The following RALGAPA2 variants were observed in gnomAD, a reference collection of about 807,000 sequenced individuals.
RALGAPA2 encodes ral GTPase-activating protein subunit alpha-2.
Under a neutral mutation model 230.4 loss-of-function variants are expected in RALGAPA2, and 139 were observed. The ratio of observed to expected loss-of-function variants is 0.60; its 90% CI spans 0.53 to 0.69. RALGAPA2 has a LOEUF of 0.69. Among genes scored for constraint, RALGAPA2 ranks in the 30% least tolerant of loss-of-function variants. RALGAPA2 has a pLI of 0.00. For missense variants in RALGAPA2, 2,163 were observed against 2,276.0 expected (o/e 0.95, Z 1.01); for synonymous variants, 847 against 837.8 (o/e 1.01, Z -0.19).
chr20:20,576,900 CA>C (rs1479430035), intron 20 of RALGAPA2, among the ~76,000 whole-genome samples: 1 of 151,974 alleles, frequency 6.6e-6, no homozygotes, highest in African/African-American at 2.4e-5. Context: ...TTAGTGTTTT[CA>C]AAGAACAATT....
At chr20:20,598,963 T>C (rs1034019593) in intron 16 of RALGAPA2, 6 of 332,234 alleles carry the variant, frequency 1.8e-5, no homozygotes, top group Non-Finnish European at 3.0e-5. Context: ...GTACAAAGTA[T>C]AGTATTTAAT....
chr20:20,562,039 C>T (rs957903895), intron 23 of RALGAPA2, among the ~76,000 whole-genome samples: 2 of 152,174 alleles, frequency 1.3e-5, no homozygotes, highest in Non-Finnish European at 2.9e-5. Flanking sequence ...TTGACTAGCT[C>T]ACCACAGTAG....
rs779147056 is a variant in RALGAPA2 at position 20,591,218 on chromosome 20, G to A, written c.2300C>T (p.Thr767Ile). The A allele has an allele frequency of 5.0e-6, 8 of 1,613,878 alleles. No homozygotes were observed. Among genetic ancestry groups the A allele is most frequent in the Admixed American group, 1.7e-5 (1 of 60,016 alleles). ...GCACAGCGGCTCGGGGATGTCGGAG[G>A]TGCTGCTGCTCCGAAGGACCTGCTG... The part of the protein sequence containing the change: ...QQQQVLRSSS[T>I]SDIPEPLCSD... Residue 767 changes from threonine to isoleucine, a missense_variant, in exon 17 of 40, where the codon ACC becomes ATC. Thr to Ile is a moderately conservative substitution (Grantham distance 89). Coordinates refer to ENST00000202677, the MANE Select transcript of RALGAPA2 (RefSeq NM_020343.4).
intron 37 of RALGAPA2, among the ~76,000 whole-genome samples, chr20:20,420,134 G>C (rs763451973): frequency 1.3e-5 from 2 of 152,208 alleles, no homozygotes; most frequent in African/African-American, 4.8e-5. Context: ...AGAATGCCAT[G>C]AGCGGGAAGG....
intron 32 of RALGAPA2, among the ~76,000 whole-genome samples, chr20:20,512,260 C>CAT (rs2062734617): frequency 6.6e-6 from 1 of 150,694 alleles, no homozygotes; most frequent in African/African-American, 2.5e-5. Context: ...CACACACACA[C>CAT]ACACACACAA....
chr20:20,644,371 AAAT>A (rs2067141183), intron 4 of RALGAPA2, among the ~76,000 whole-genome samples: 1 of 152,234 alleles, frequency 6.6e-6, no homozygotes, highest in Non-Finnish European at 1.5e-5. Context: ...ACTGGATATC[AAAT>A]AATATTTACT....
intron 3 of RALGAPA2, among the ~76,000 whole-genome samples, chr20:20,660,446 T>C (rs1186484486): frequency 1.3e-5 from 2 of 152,180 alleles, no homozygotes; most frequent in African/African-American, 4.8e-5. Flanking sequence ...TAAACATTCC[T>C]AGTTAACATG....
At chr20:20,540,658 TC>T (rs972574246) in intron 24 of RALGAPA2, among the ~76,000 whole-genome samples, 1 of 152,218 alleles carries the variant, frequency 6.6e-6, no homozygotes, top group African/African-American at 2.4e-5. Flanking sequence ...TTATTTATTT[TC>T]CCATCTTGGC....
intron 4 of RALGAPA2, among the ~76,000 whole-genome samples, chr20:20,645,058 C>A (rs1289046514): frequency 6.6e-6 from 1 of 150,742 alleles, no homozygotes; most frequent in Non-Finnish European, 1.5e-5. Flanking sequence ...GCTTGTTAGT[C>A]CTTCCCCTTG....
chr20:20,708,793 A>G (rs960243066), intron 1 of RALGAPA2, among the ~76,000 whole-genome samples: 26 of 152,156 alleles, frequency 1.7e-4, no homozygotes, highest in African/African-American at 5.1e-4. Flanking sequence ...TACATAACAC[A>G]CCATAAATTT....
At chr20:20,708,584 C>T (rs1038741041) in intron 1 of RALGAPA2, among the ~76,000 whole-genome samples, 3 of 152,134 alleles carry the variant, frequency 2.0e-5, no homozygotes, top group Non-Finnish European at 2.9e-5. Flanking sequence ...TGAGGCCTCC[C>T]GAGGCATGTG....
intron 23 of RALGAPA2, among the ~76,000 whole-genome samples, chr20:20,562,780 T>A (rs537150045): frequency 2.6e-4 from 40 of 152,200 alleles, no homozygotes; most frequent in Non-Finnish European, 1.3e-4. Context: ...ACTTTCCTCA[T>A]TGAGGTACAA....
intron 38 of RALGAPA2, among the ~76,000 whole-genome samples, chr20:20,403,084 C>T (rs1473593246): frequency 2.6e-5 from 4 of 152,068 alleles, no homozygotes; most frequent in Non-Finnish European, 1.5e-5. Flanking sequence ...TTTTAAAGTG[C>T]GCCCCCACCC....
Position 20,712,263 on chromosome 20 carries a change from CACCCATCCCCCT to C in RALGAPA2, c.106+100_106+111del. 2 of 781,956 alleles carry C rather than the reference CACCCATCCCCCT, an allele frequency of 2.6e-6. No individual in the cohort carries two copies. Among genetic ancestry groups the C allele is most frequent in the Non-Finnish European group, 3.8e-6 (2 of 529,670 alleles). 48.4% of individuals were successfully genotyped at this position (781,956 alleles called of 1,614,324 possible). ...GATCCAGGGAAGGGGGTCGGACGCC[CACCCATCCCCCT>C]CCCCAGCCTCCCAGCCACCGACCCC... On this transcript the variant is annotated intron_variant, in intron 1 of 39. Coordinates refer to ENST00000202677, the MANE Select transcript of RALGAPA2 (RefSeq NM_020343.4). This position sits in a 1 kb window ranked among gnomAD's most constrained non-coding sequence, Gnocchi z 5.5.
rs898790221 is a variant in RALGAPA2 at position 20,396,612 on chromosome 20, T to G, written c.*35+83A>C. 3 of 1,332,876 alleles carry G rather than the reference T, an allele frequency of 2.3e-6. No individual in the cohort carries two copies. In the African/African-American group the frequency reaches 4.4e-5, roughly 20 times the overall value. 82.6% of individuals were successfully genotyped at this position (1,332,876 alleles called of 1,614,324 possible). A position where few individuals can be genotyped will look rare whatever the true frequency, so the allele number is the denominator to read the frequency against. On this transcript the variant is annotated intron_variant, in intron 39 of 39. Transcript: ENST00000202677. ...CGAGGAGCACTGATGCAGGGTCCGC[T>G]ACCGAGGGCAGCCGATTAGAAAAGT... is the stretch of plus-strand genomic sequence containing the variant.
At chr20:20,533,433 T>A (rs544562275) in intron 26 of RALGAPA2, among the ~76,000 whole-genome samples, 5 of 152,280 alleles carry the variant, frequency 3.3e-5, no homozygotes, top group African/African-American at 1.2e-4. Flanking sequence ...AATATTTGAT[T>A]CACTATATAG....
At position 20,653,195 on chromosome 20, in the gene RALGAPA2, C is replaced by CAAAAAAAAA. The variant is rs60906434; in HGVS notation, c.328+326_328+334dup. On this transcript the variant is annotated intron_variant, in intron 4 of 39. Coordinates refer to ENST00000202677, the MANE Select transcript of RALGAPA2 (RefSeq NM_020343.4). Reference sequence around the variant, plus strand: ...TAGGCGACAGAGCAAGACTCCATCTCAAAAAAAAAAAAAAAAAAAAAAAAA... The same window carrying CAAAAAAAAA: ...TAGGCGACAGAGCAAGACTCCATCTCAAAAAAAAAAAAAAAAAAAAAAAAAAAAAAAAAA... 9.8e-4 allele frequency among the ~76,000 whole-genome samples: 27 copies of CAAAAAAAAA among 27,522 alleles called. 1 individual carries two copies. The highest frequency in any genetic ancestry group is 5.3e-3 in the East Asian group (4 of 760). 18.1% of individuals were successfully genotyped at this position (27,522 alleles called of 152,430 possible).
chr20:20,707,836 C>T (rs936019241), intron 1 of RALGAPA2, among the ~76,000 whole-genome samples: 1 of 152,040 alleles, frequency 6.6e-6, no homozygotes, highest in African/African-American at 2.4e-5. Flanking sequence ...GGGACATCCT[C>T]TGGGCAAGGG....
intron 9 of RALGAPA2, among the ~76,000 whole-genome samples, chr20:20,631,025 A>G (rs905229840): frequency 6.6e-6 from 1 of 152,198 alleles, no homozygotes; most frequent in Non-Finnish European, 1.5e-5. Context: ...CCTTTCATCT[A>G]CATGGACTGT....
Sources: allele counts gnomAD v4.1 joint callset (sites outside exome capture counted in the v4.1 genomes callset), GRCh38; gene constraint gnomAD v4.1.1; non-coding constraint Gnocchi (gnomAD v3.1); transcripts MANE v1.5; gene names NCBI Gene and HGNC (gene_info 2026-07-23, HGNC 2026-07-21).